Variants in IPP observed in about 807,000 individuals in gnomAD.
IPP encodes the protein actin-binding protein IPP.
Under a neutral mutation model 64.1 loss-of-function variants are expected in IPP, and 41 were observed. The ratio of observed to expected loss-of-function variants is 0.64; its 90% CI spans 0.50 to 0.83. The LOEUF (loss-of-function observed/expected upper bound fraction) is 0.83, where lower values mean the gene tolerates loss of function less well. Among genes scored for constraint, IPP ranks in the 40% least tolerant of loss-of-function variants. IPP has a pLI of 0.00. For synonymous variants in IPP, 214 were observed against 235.2 expected, an observed-to-expected ratio of 0.91 and a Z score of 0.83; for missense variants, 649 against 703.0, an observed-to-expected ratio of 0.92 and a Z score of 0.87.
intron 2 of IPP, among the ~76,000 whole-genome samples, chr1:45,742,715 T>C (rs1557761686): frequency 1.3e-5 from 2 of 152,002 alleles, no homozygotes; most frequent in African/African-American, 2.4e-5. Flanking sequence ...CTGTGGTTTT[T>C]TTTTTAGAGA....
intron 8 of IPP, among the ~76,000 whole-genome samples, chr1:45,709,395 T>C (rs1261238939): frequency 2.3e-5 from 3 of 127,712 alleles, no homozygotes; most frequent in Admixed American, 9.4e-5. Flanking sequence ...ATCATGCCAC[T>C]GCACTCCAGC....
intron 7 of IPP, 107 bp from the exon 8 acceptor site, chr1:45,714,573 C>T: frequency 1.4e-6 from 1 of 693,762 alleles, no homozygotes; most frequent in Non-Finnish European, 2.5e-6. Context: ...TATGTTTAAT[C>T]TAGGGCTTAC....
intron 1 of IPP, among the ~76,000 whole-genome samples, chr1:45,750,130 T>G (rs549119535): frequency 8.5e-5 from 13 of 152,260 alleles, no homozygotes; most frequent in Non-Finnish European, 1.6e-4. Context: ...GGCTTTGAAT[T>G]CACTGCTGGG....
chr1:45,747,183 T>C lies in IPP; in HGVS notation c.-50-722A>G, dbSNP rs575389342. Among the ~76,000 whole-genome samples the C allele has an allele frequency of 3.3e-5, 5 of 152,206 alleles. 1 individual carries two copies. The highest frequency in any genetic ancestry group is 1.2e-4 in the African/African-American group (5 of 41,542). On this transcript the variant is annotated intron_variant, in intron 1 of 8. Transcript: ENST00000396478. ...CTTTAAAGGCAGGTACTATCTTTCA[T>C]AGCTTTAGCACCAGTATATAACATA...
intron 8 of IPP, among the ~76,000 whole-genome samples, chr1:45,708,047 G>T (rs1645533592): frequency 3.3e-5 from 5 of 151,664 alleles, no homozygotes; most frequent in Admixed American, 2.0e-4. Flanking sequence ...CATCTTCAGG[G>T]TGATTATTTT....
Position 45,735,466 on chromosome 1 carries a change from C to CTTT in IPP, c.724+5432_724+5434dup, listed in dbSNP as rs756979985. 3.3e-3 allele frequency among the ~76,000 whole-genome samples: 194 copies of CTTT among 57,958 alleles called. 3 individuals are homozygous for CTTT. The highest frequency in any genetic ancestry group is 4.7e-3 in the African/African-American group (67 of 14,164). 38.0% of individuals were successfully genotyped at this position (57,958 alleles called of 152,430 possible). A position where few individuals can be genotyped will look rare whatever the true frequency, so the allele number is the denominator to read the frequency against. On this transcript the variant is annotated intron_variant, in intron 3 of 8. Transcript: ENST00000396478. Reference sequence around the variant, plus strand: ...TTTATTTTTTATTGATTTAATTTTGCTTTTTTTTTTTTTTTTTTTTTTTTG... The same window carrying CTTT: ...TTTATTTTTTATTGATTTAATTTTGCTTTTTTTTTTTTTTTTTTTTTTTTTTTG...
At chr1:45,729,446 A>G (rs933780327) in intron 4 of IPP, among the ~76,000 whole-genome samples, 168 bp downstream of exon 4, 3 of 152,242 alleles carry the variant, frequency 2.0e-5, no homozygotes, top group African/African-American at 4.8e-5. Flanking sequence ...CATATTTGTC[A>G]TAATATATAA....
chr1:45,729,781 T>G lies in IPP; in HGVS notation c.725-12A>C, dbSNP rs1645881409. On this transcript the variant is annotated splice_polypyrimidine_tract_variant and intron_variant, in intron 3 of 8. Coordinates refer to ENST00000396478, the MANE Select transcript of IPP (RefSeq NM_005897.3). ...AAAATCGGATACTCCTAAAACAATATTTAAAAAGACAATGTTTTAAACAAT... is the reference window on the plus strand; with the variant it reads ...AAAATCGGATACTCCTAAAACAATAGTTAAAAAGACAATGTTTTAAACAAT... 1 of 1,476,026 alleles carries G rather than the reference T, an allele frequency of 6.8e-7. No individual in the cohort carries two copies. Among genetic ancestry groups the G allele is most frequent in the South Asian group, 1.3e-5 (1 of 77,554 alleles). The allele number at this position is 1,476,026 out of a possible 1,614,324, so 91.4% of individuals were successfully genotyped here.
At chr1:45,706,980 C>T (rs1645520255) in intron 8 of IPP, among the ~76,000 whole-genome samples, 1 of 152,208 alleles carries the variant, frequency 6.6e-6, no homozygotes, top group Non-Finnish European at 1.5e-5. Context: ...TAGTGCATGT[C>T]TGTAGTACTA....
chr1:45,732,817 C>T (rs555921664), intron 3 of IPP, among the ~76,000 whole-genome samples: 1 of 152,088 alleles, frequency 6.6e-6, no homozygotes, highest in South Asian at 2.1e-4. Context: ...CAGGCACCCA[C>T]CCCCACGCCT....
intron 3 of IPP, among the ~76,000 whole-genome samples, chr1:45,733,944 C>T (rs535153281): frequency 6.6e-6 from 1 of 152,040 alleles, no homozygotes; most frequent in South Asian, 2.1e-4. Context: ...ATGAGGCTTT[C>T]TTTAAAAAAG....
intron 5 of IPP, among the ~76,000 whole-genome samples, chr1:45,722,322 G>T (rs531945664): frequency 6.6e-6 from 1 of 151,978 alleles, no homozygotes; most frequent in East Asian, 1.9e-4. Context: ...AGGCCAAGGC[G>T]GGTAGATCAC....
At chr1:45,718,902 CAAA>C (rs59512208) in intron 6 of IPP, among the ~76,000 whole-genome samples, 4 of 54,286 alleles carry the variant, frequency 7.4e-5, no homozygotes, top group Non-Finnish European at 4.1e-5. Flanking sequence ...TTAATGAATA[CAAA>C]AAAAAAAAAA....
intron 8 of IPP, among the ~76,000 whole-genome samples, chr1:45,703,308 T>A (rs28673252): frequency 1.3e-5 from 1 of 75,222 alleles, no homozygotes; most frequent in East Asian, 4.0e-4. Context: ...AGGCTAGTCT[T>A]GAACTCCTGG....
intron 3 of IPP, among the ~76,000 whole-genome samples, chr1:45,739,048 T>C (rs1334807780): frequency 2.0e-5 from 3 of 152,112 alleles, no homozygotes; most frequent in African/African-American, 7.2e-5. Context: ...ACTATATCTG[T>C]AGTAAAACAA....
At chr1:45,694,697 C>T (rs1380177153), downstream of IPP, 1 of 528,260 alleles carries the variant, frequency 1.9e-6, no homozygotes, top group Non-Finnish European at 3.4e-6. Flanking sequence ...GACATGTTTT[C>T]CAGTTTTTAT....
intron 8 of IPP, among the ~76,000 whole-genome samples, chr1:45,708,001 A>G (rs1557739269): frequency 6.6e-6 from 1 of 152,060 alleles, no homozygotes; most frequent in African/African-American, 2.4e-5. Flanking sequence ...ACTACTGACT[A>G]CTTGTCAGAA....
At chr1:45,724,203 C>G (rs187228323) in intron 5 of IPP, among the ~76,000 whole-genome samples, 4,824 of 152,246 alleles carry the variant, frequency 0.032, 250 homozygotes, top group African/African-American at 0.11. Context: ...GGGCTGGTCT[C>G]CAGCTCCTAA....
In IPP at chr1:45,746,227, A is replaced by G. The variant is rs1162199283; in HGVS notation, c.185T>C (p.Phe62Ser). The change falls in exon 2 of 9, where the codon TTT (phenylalanine) becomes TCT (serine). Residue 62 changes from phenylalanine (F) to serine (S), a missense_variant. Phe to Ser is a radical substitution (Grantham distance 155, BLOSUM62 -2). Coordinates refer to ENST00000396478, the MANE Select transcript of IPP (RefSeq NM_005897.3). Reference sequence around the variant, plus strand: ...CATTCCTCCAGTGAACAAAGCTGCAAAGTAAGGACTGCTGGCAGCCAAAAC... The same window carrying G: ...CATTCCTCCAGTGAACAAAGCTGCAGAGTAAGGACTGCTGGCAGCCAAAAC... The part of the protein sequence containing the change: ...RLVLAASSPY[F>S]AALFTGGMKE... The G allele has an allele frequency of 6.2e-7, 1 of 1,614,204 alleles. No individual in the cohort carries two copies. The highest frequency in any genetic ancestry group is 8.5e-7 in the Non-Finnish European group (1 of 1,180,028).
Sources: gnomAD v4.1 joint callset for allele counts (sites outside exome capture counted in the v4.1 genomes callset) on GRCh38, gnomAD v4.1.1 for gene constraint, MANE v1.5 for transcripts, NCBI Gene and HGNC (gene_info 2026-07-23, HGNC 2026-07-21) for gene names.